AMZ1: variants seen among roughly 807,000 people sequenced by gnomAD.
AMZ1 encodes archaelysin family metallopeptidase 1.
Under a neutral mutation model 29.9 loss-of-function variants are expected in AMZ1, and 39 were observed. The ratio of observed to expected loss-of-function variants is 1.30; its 90% CI spans 1.01 to 1.70. The LOEUF is 1.70. AMZ1 is among the 40% of genes most tolerant of loss of function. The probability of loss-of-function intolerance (pLI) is 0.00; values close to 1 mark genes in which losing one functional copy is unlikely to be tolerated. For missense variants in AMZ1, 1,041 were observed against 680.6 expected, an observed-to-expected ratio of 1.53 and a Z score of -5.89; for synonymous variants, 458 against 304.0, an observed-to-expected ratio of 1.51 and a Z score of -5.27.
chr7:2,712,976 G>C lies in AMZ1; in HGVS notation c.*98G>C, dbSNP rs574897706. 7.7e-6 allele frequency: 10 copies of C among 1,305,160 alleles called. No individual in the cohort carries two copies. Among genetic ancestry groups the C allele is most frequent in the Non-Finnish European group, 1.0e-5 (10 of 1,001,738 alleles). The allele number at this position is 1,305,160 out of a possible 1,614,324, so 80.8% of individuals were successfully genotyped here. On this transcript the variant is annotated 3_prime_UTR_variant, in exon 7 of 7. Coordinates refer to ENST00000683327, the MANE Select transcript of AMZ1 (RefSeq NM_001384743.1). ...CTGACCTGCCAGGGATAAAGAGGAA[G>C]GGTCTGCCTGGGTGGTGGCTCAGGC...
intron 3 of AMZ1, among the ~76,000 whole-genome samples, chr7:2,704,847 C>G (rs1240402894): frequency 6.6e-6 from 1 of 151,970 alleles, no homozygotes; most frequent in Non-Finnish European, 1.5e-5. Context: ...CTGCCTGCCT[C>G]GGTCTCCCAA....
At chr7:2,733,971 A>G (rs208358) in intron 4 of AMZ1, among the ~76,000 whole-genome samples, 111,368 of 152,198 alleles carry the variant, frequency 0.73, 41,274 homozygotes, top group East Asian at 0.93. Flanking sequence ...AGGAGCATCT[A>G]GCAAAACATC....
Position 2,688,552 on chromosome 7 carries a change from A to G in AMZ1, c.-219+256A>G, listed in dbSNP as rs553284283. The stretch of plus-strand genomic sequence containing the variant: ...TGCAGAGGGAAGGCCGGGCCAGGGA[A>G]GGGCCACGCGCCCCCTCCCCGCCAT... On this transcript the variant is annotated intron_variant, in intron 1 of 6. Coordinates refer to ENST00000683327, the MANE Select transcript of AMZ1 (RefSeq NM_001384743.1). Among the ~76,000 whole-genome samples, 5 of 152,210 alleles carry G rather than the reference A, an allele frequency of 3.3e-5. No homozygotes were observed. The South Asian group carries it at 1.0e-3, about 32-fold the overall frequency.
intron 4 of AMZ1, among the ~76,000 whole-genome samples, chr7:2,752,783 T>C (rs1791100838): frequency 6.6e-6 from 1 of 152,226 alleles, no homozygotes. Context: ...GTTGCAAAGA[T>C]TGCCTAGAGA....
chr7:2,744,530 A>G (rs1490169439), intron 4 of AMZ1, among the ~76,000 whole-genome samples: 1 of 152,210 alleles, frequency 6.6e-6, no homozygotes, highest in Non-Finnish European at 1.5e-5. Flanking sequence ...CGTCACCATC[A>G]TCAAAGACCA....
intron 4 of AMZ1, among the ~76,000 whole-genome samples, chr7:2,754,088 G>C (rs570189269): frequency 1.8e-4 from 28 of 152,258 alleles, no homozygotes; most frequent in African/African-American, 6.7e-4. Flanking sequence ...CTCCCCACCA[G>C]TGATGAATGA....
intron 3 of AMZ1, among the ~76,000 whole-genome samples, chr7:2,708,225 A>T (rs942549940): frequency 2.0e-5 from 3 of 151,982 alleles, no homozygotes; most frequent in African/African-American, 7.3e-5. Context: ...GGCTGTGGGG[A>T]CTCACAGGTC....
chr7:2,697,371 A>G (rs1787805875), intron 1 of AMZ1, among the ~76,000 whole-genome samples: 1 of 152,204 alleles, frequency 6.6e-6, no homozygotes, highest in Non-Finnish European at 1.5e-5. Flanking sequence ...TGCTGGGATT[A>G]CAGGCGTGAG....
At chr7:2,747,866 A>G (rs1003763755) in intron 4 of AMZ1, among the ~76,000 whole-genome samples, 2 of 152,204 alleles carry the variant, frequency 1.3e-5, no homozygotes, top group Non-Finnish European at 2.9e-5. Context: ...TTATACACCA[A>G]TAACAGACAA....
At chr7:2,737,173 G>C (rs1325596453) in intron 4 of AMZ1, among the ~76,000 whole-genome samples, 3 of 151,410 alleles carry the variant, frequency 2.0e-5, no homozygotes, top group Non-Finnish European at 2.9e-5. Flanking sequence ...CCAGAGAGTG[G>C]TTACAAAGAA....
At chr7:2,727,045 A>G (rs1789649832) in intron 4 of AMZ1, among the ~76,000 whole-genome samples, 2 of 152,222 alleles carry the variant, frequency 1.3e-5, no homozygotes. Flanking sequence ...CTTTAAAAAT[A>G]AAAAGTGTTT....
At chr7:2,703,974 T>C (rs865944962) in intron 3 of AMZ1, among the ~76,000 whole-genome samples, 3 of 152,136 alleles carry the variant, frequency 2.0e-5, no homozygotes, top group Non-Finnish European at 4.4e-5. Flanking sequence ...TGGCAAGCTC[T>C]GCCTCCCGGG....
At chr7:2,730,262 T>C (rs894689278) in intron 4 of AMZ1, 1 of 152,464 alleles carries the variant, frequency 6.6e-6, no homozygotes, top group African/African-American at 2.4e-5. Context: ...TGTGAGCAGA[T>C]GACTTGCAGG....
chr7:2,749,409 G>A (rs901751789), intron 4 of AMZ1, among the ~76,000 whole-genome samples: 8 of 151,456 alleles, frequency 5.3e-5, no homozygotes, highest in South Asian at 2.1e-4. Flanking sequence ...ACTATTGCAA[G>A]GACAAAAAAC....
intron 4 of AMZ1, among the ~76,000 whole-genome samples, chr7:2,744,642 A>C (rs1302333625): frequency 6.6e-6 from 1 of 152,228 alleles, no homozygotes; most frequent in Non-Finnish European, 1.5e-5. Context: ...GCAGCTCCTC[A>C]CCAGCAACGG....
chr7:2,748,357 A>T (rs540415545), intron 4 of AMZ1, among the ~76,000 whole-genome samples: 44 of 152,360 alleles, frequency 2.9e-4, no homozygotes, highest in Middle Eastern at 6.8e-3. Flanking sequence ...ATAATGCTGC[A>T]TATCTACAAC....
intron 4 of AMZ1, among the ~76,000 whole-genome samples, chr7:2,738,147 G>C (rs993034990): frequency 5.9e-5 from 9 of 152,262 alleles, no homozygotes; most frequent in African/African-American, 2.2e-4. Context: ...AGAGGACCAG[G>C]CGTGGTGGCT....
intron 4 of AMZ1, among the ~76,000 whole-genome samples, chr7:2,726,424 A>G (rs1789619185): frequency 6.6e-6 from 1 of 152,006 alleles, no homozygotes; most frequent in South Asian, 2.1e-4. Flanking sequence ...ACATGGAGAA[A>G]CCTGTATGAG....
At chr7:2,695,330 G>T (rs1583149626) in intron 1 of AMZ1, among the ~76,000 whole-genome samples, 1 of 152,162 alleles carries the variant, frequency 6.6e-6, no homozygotes, top group East Asian at 1.9e-4. Context: ...GGGCATGCGG[G>T]TCTGGGCACA....
Sources: gnomAD v4.1 joint callset for allele counts (sites outside exome capture counted in the v4.1 genomes callset) on GRCh38, gnomAD v4.1.1 for gene constraint, MANE v1.5 for transcripts, NCBI Gene and HGNC (gene_info 2026-07-23, HGNC 2026-07-21) for gene names.